Variants in TIMP3 observed in about 807,000 individuals in gnomAD.
TIMP3 encodes metalloproteinase inhibitor 3.
Under a neutral mutation model 30.0 loss-of-function variants are expected in TIMP3, and 11 were observed. The ratio of observed to expected loss-of-function variants is 0.37; its 90% confidence interval spans 0.23 to 0.61. The LOEUF is 0.61. Among genes scored for constraint, TIMP3 ranks in the 20% least tolerant of loss-of-function variants. TIMP3 has a pLI of 0.70. For synonymous variants in TIMP3, 112 were observed against 111.3 expected (o/e 1.01, Z -0.04); for missense variants, 181 against 276.8 (o/e 0.65, Z 2.45).
At chr22:32,852,774 TGA>T (rs2048257980) in intron 2 of TIMP3, among the ~76,000 whole-genome samples, 1 of 152,086 alleles carries the variant, frequency 6.6e-6, no homozygotes, top group South Asian at 2.1e-4. Context: ...GTTAGAATGT[TGA>T]GAGAGCTTAT....
rs200802342 is a variant in TIMP3 at position 32,834,325 on chromosome 22, T to TTA, written c.122-15126_122-15125insAT. Among the ~76,000 whole-genome samples, 202 of 143,280 alleles carry TTA rather than the reference T, an allele frequency of 1.4e-3. 1 individual carries two copies. The highest frequency in any genetic ancestry group is 7.0e-3 in the Middle Eastern group (2 of 284). 94.0% of individuals were successfully genotyped at this position (143,280 alleles called of 152,430 possible). On this transcript the variant is annotated intron_variant, in intron 1 of 4. Transcript: ENST00000266085. ...CCTCCACCACATCTGGCTAATTTAT[T>TTA]TTTTTTTTTGTATTTTTAGTAGAAA...
chr22:32,802,201 C>T, intron 1 of TIMP3, 79 bp downstream of exon 1: 1 of 1,513,296 alleles, frequency 6.6e-7, no homozygotes, highest in East Asian at 2.5e-5. Flanking sequence ...AGGGCGAGCC[C>T]CACTCCTTTC....
chr22:32,850,801 A>G (rs2048196578), intron 2 of TIMP3, among the ~76,000 whole-genome samples: 1 of 152,162 alleles, frequency 6.6e-6, no homozygotes, highest in African/African-American at 2.4e-5. Flanking sequence ...GTGAGACCCC[A>G]CAGGCCTGGA....
At position 32,859,627 on chromosome 22, in the gene TIMP3, A is replaced by G; in HGVS notation, c.*250A>G. ...CTGGGAATTTCTGGTGCCATGCCAG[A>G]AAGAATGAGGAACCTGTATTCCTCT... On this transcript the variant is annotated 3_prime_UTR_variant, in exon 5 of 5. Transcript: ENST00000266085. 2 of 549,670 alleles carry G rather than the reference A, an allele frequency of 3.6e-6. No individual in the cohort carries two copies. Among genetic ancestry groups the G allele is most frequent in the Non-Finnish European group, 6.4e-6 (2 of 312,108 alleles). The allele number at this position is 549,670 out of a possible 1,614,324, so 34.0% of individuals were successfully genotyped here.
chr22:32,842,181 C>T (rs771500297), intron 1 of TIMP3, among the ~76,000 whole-genome samples: 5 of 152,176 alleles, frequency 3.3e-5, no homozygotes, highest in Non-Finnish European at 7.4e-5. Context: ...CCAGACCCCA[C>T]GTGCTCCATG....
chr22:32,842,373 G>A (rs1010659339), intron 1 of TIMP3, among the ~76,000 whole-genome samples: 2 of 152,066 alleles, frequency 1.3e-5, no homozygotes, highest in African/African-American at 2.4e-5. Context: ...CCTTAGTTCC[G>A]AAGGCCCTTT....
At chr22:32,831,808 T>C (rs112826251) in intron 1 of TIMP3, among the ~76,000 whole-genome samples, 38 of 152,256 alleles carry the variant, frequency 2.5e-4, no homozygotes, top group Non-Finnish European at 4.6e-4. Context: ...TAATTTACTC[T>C]TGGCTGGACT....
At chr22:32,802,318 A>T (rs1278098815) in intron 1 of TIMP3, among the ~76,000 whole-genome samples, 196 bp downstream of exon 1, 18 of 152,154 alleles carry the variant, frequency 1.2e-4, no homozygotes, top group Non-Finnish European at 4.4e-5. Context: ...CCTGCAGAGG[A>T]AACTCACAGT....
chr22:32,833,259 C>A (rs972261267), intron 1 of TIMP3, among the ~76,000 whole-genome samples: 7 of 152,094 alleles, frequency 4.6e-5, no homozygotes, highest in South Asian at 2.1e-4. Context: ...GGACATGGGA[C>A]CATGTCATAA....
chr22:32,822,161 A>AG (rs2047267375), intron 1 of TIMP3, among the ~76,000 whole-genome samples: 1 of 151,534 alleles, frequency 6.6e-6, no homozygotes, highest in East Asian at 1.9e-4. Flanking sequence ...ATCTCAAAAA[A>AG]AAAAAAAAAA....
chr22:32,856,336 AG>A (rs2048364842), intron 2 of TIMP3, among the ~76,000 whole-genome samples: 1 of 152,154 alleles, frequency 6.6e-6, no homozygotes, highest in Admixed American at 6.5e-5. Flanking sequence ...CTGGCTGCAC[AG>A]GAAGGTTTCT....
intron 1 of TIMP3, among the ~76,000 whole-genome samples, chr22:32,813,111 A>G (rs577529083): frequency 6.6e-6 from 1 of 152,238 alleles, no homozygotes; most frequent in Non-Finnish European, 1.5e-5. Context: ...GACCAGGCAC[A>G]GAAGCTGGAT....
chr22:32,802,254 A>G, intron 1 of TIMP3, 132 bp downstream of exon 1: 1 of 1,350,410 alleles, frequency 7.4e-7, no homozygotes, highest in East Asian at 2.7e-5. Context: ...GGCGGAGTGG[A>G]GAAACTCGAT....
chr22:32,811,288 A>C (rs1027751898), intron 1 of TIMP3, among the ~76,000 whole-genome samples: 4 of 152,180 alleles, frequency 2.6e-5, no homozygotes, highest in Non-Finnish European at 4.4e-5. Flanking sequence ...AATGGGTAGA[A>C]TCTTCCCAAG....
At chr22:32,844,288 G>A (rs752390287) in intron 1 of TIMP3, among the ~76,000 whole-genome samples, 3 of 152,178 alleles carry the variant, frequency 2.0e-5, no homozygotes, top group Non-Finnish European at 2.9e-5. Flanking sequence ...CAGCACATGT[G>A]CAATTTCTGG....
At chr22:32,818,706 G>C (rs187275076) in intron 1 of TIMP3, among the ~76,000 whole-genome samples, 300 of 152,282 alleles carry the variant, frequency 2.0e-3, no homozygotes, top group African/African-American at 6.7e-3. Flanking sequence ...ATTAACTGCA[G>C]TCAGAAAAGC....
At chr22:32,814,783 GAGAC>G (rs1265636907) in intron 1 of TIMP3, among the ~76,000 whole-genome samples, 1 of 152,090 alleles carries the variant, frequency 6.6e-6, no homozygotes, top group Non-Finnish European at 1.5e-5. Flanking sequence ...CACAAGCGGG[GAGAC>G]AGAAAGGGAA....
At chr22:32,806,418 C>T (rs143420300) in intron 1 of TIMP3, among the ~76,000 whole-genome samples, 13 of 152,280 alleles carry the variant, frequency 8.5e-5, no homozygotes, top group East Asian at 3.9e-4. Context: ...AACAACAACA[C>T]GATTCTCCAT....
intron 1 of TIMP3, among the ~76,000 whole-genome samples, chr22:32,822,689 A>G (rs1180048174): frequency 3.9e-5 from 6 of 152,184 alleles, no homozygotes; most frequent in Admixed American, 1.3e-4. Flanking sequence ...CTCTTCTGCT[A>G]ACCGCTAAGG....
Sources: allele counts gnomAD v4.1 joint callset (sites outside exome capture counted in the v4.1 genomes callset), GRCh38; gene constraint gnomAD v4.1.1; transcripts MANE v1.5; gene names NCBI Gene and HGNC (gene_info 2026-07-23, HGNC 2026-07-21).